The following MBNL2 variants were observed in gnomAD, a reference collection of about 807,000 sequenced individuals.
MBNL2 encodes muscleblind like splicing regulator 2.
A neutral mutation model predicts 41.9 loss-of-function variants in MBNL2; 17 were observed. The observed-to-expected ratio is 0.41, with a 90% confidence interval of 0.28 to 0.61. MBNL2 has a LOEUF of 0.61. Among genes scored for constraint, MBNL2 ranks in the 20% least tolerant of loss-of-function variants. MBNL2 has a pLI of 0.35. For synonymous variants in MBNL2, 195 were observed against 182.9 expected, an observed-to-expected ratio of 1.07 and a Z score of -0.53; for missense variants, 336 against 505.6, an observed-to-expected ratio of 0.66 and a Z score of 3.22.
the MBNL2 span, among the ~76,000 whole-genome samples, chr13:97,181,501 T>A: frequency 6.6e-6 from 1 of 152,120 alleles, no homozygotes; most frequent in East Asian, 1.9e-4. Context: ...AATGATGAAA[T>A]GTATAGTAGT....
chr13:97,312,837 T>A lies in MBNL2; in HGVS notation c.175-21439T>A, dbSNP rs558150029. Among the ~76,000 whole-genome samples, 4 of 152,376 alleles carry A rather than the reference T, an allele frequency of 2.6e-5. No individual in the cohort carries two copies. The South Asian group carries it at 6.2e-4, about 24-fold the overall frequency. ...TCATTGGGAACACACTTTACAAAAATTACTGTGAATTCAATTAAAAATTAT... is the reference window on the plus strand; with the variant it reads ...TCATTGGGAACACACTTTACAAAAAATACTGTGAATTCAATTAAAAATTAT... On this transcript the variant is annotated intron_variant, in intron 2 of 8. Transcript: ENST00000679496.
the MBNL2 span, among the ~76,000 whole-genome samples, chr13:97,177,380 G>A: frequency 2.0e-5 from 3 of 152,126 alleles, no homozygotes; most frequent in East Asian, 5.8e-4. Context: ...TTGCAGCCAT[G>A]AAAGAACAAT....
the MBNL2 span, among the ~76,000 whole-genome samples, chr13:97,178,258 T>A: frequency 2.6e-5 from 4 of 152,194 alleles, no homozygotes; most frequent in Non-Finnish European, 5.9e-5. Flanking sequence ...GCCATGACTA[T>A]GAAAATGGAA....
chr13:97,197,332 G>T, the MBNL2 span, among the ~76,000 whole-genome samples: 1 of 152,134 alleles, frequency 6.6e-6, no homozygotes, highest in Non-Finnish European at 1.5e-5. Flanking sequence ...CTCTGCAATA[G>T]ATTCATATTT....
At chr13:97,151,738 C>T in the MBNL2 span, among the ~76,000 whole-genome samples, 1 of 152,020 alleles carries the variant, frequency 6.6e-6, no homozygotes, top group African/African-American at 2.4e-5. Context: ...ATTTTCATCC[C>T]CCTTCTTTGT....
intron 1 of MBNL2, among the ~76,000 whole-genome samples, chr13:97,265,316 G>T (rs145853169): frequency 1.1e-4 from 17 of 152,330 alleles, no homozygotes; most frequent in East Asian, 1.9e-4. Flanking sequence ...TAAAACAAAG[G>T]TTGGCTTATC....
In MBNL2 at chr13:97,393,605, C is replaced by T. The variant is rs1234113274; in HGVS notation, c.*2156C>T. 1 of 152,408 alleles carries T rather than the reference C, an allele frequency of 6.6e-6. No individual in the cohort carries two copies. Among genetic ancestry groups the T allele is most frequent in the Non-Finnish European group, 1.5e-5 (1 of 67,936 alleles). 9.4% of individuals were successfully genotyped at this position (152,408 alleles called of 1,614,324 possible). ...CATTTACAATAAGGAGGAGGCAAGG[C>T]AAATGCATAGATGTACAAATATATG... On this transcript the variant is annotated 3_prime_UTR_variant, in exon 9 of 9. Coordinates refer to ENST00000679496, the MANE Select transcript of MBNL2 (RefSeq NM_001382683.1).
intron 1 of MBNL2, among the ~76,000 whole-genome samples, chr13:97,228,531 T>TA (rs1555303279): frequency 1.4e-5 from 2 of 143,414 alleles, no homozygotes; most frequent in Non-Finnish European, 3.1e-5. Context: ...TTTATTATCT[T>TA]TTTTTTTTTT....
At chr13:97,306,162 C>T (rs777520616) in intron 2 of MBNL2, among the ~76,000 whole-genome samples, 6 of 152,200 alleles carry the variant, frequency 3.9e-5, no homozygotes, top group Non-Finnish European at 5.9e-5. Context: ...GTGTCCCTAA[C>T]CAGAAGAACC....
the MBNL2 span, among the ~76,000 whole-genome samples, chr13:97,164,580 G>C: frequency 6.6e-6 from 1 of 151,952 alleles, no homozygotes; most frequent in African/African-American, 2.4e-5. Context: ...AAGTGAAAAT[G>C]GTACCATGTA....
At chr13:97,221,665 T>A (rs145512454), upstream of MBNL2, 1 of 152,206 alleles carries the variant, frequency 6.6e-6, no homozygotes, top group Non-Finnish European at 1.5e-5. Context: ...TGTATAGATA[T>A]CAATTTTATT....
At position 97,299,991 on chromosome 13, in the gene MBNL2, A is replaced by G. The variant is rs1180003906; in HGVS notation, c.174+23582A>G. 3.3e-5 allele frequency among the ~76,000 whole-genome samples: 5 copies of G among 152,066 alleles called. No homozygotes were observed. In the South Asian group the frequency reaches 8.3e-4, roughly 25 times the overall value. On this transcript the variant is annotated intron_variant, in intron 2 of 8. Coordinates refer to ENST00000679496, the MANE Select transcript of MBNL2 (RefSeq NM_001382683.1). ...TGTTCTTCCATCATTCAAGGCCCATATTCCTTCCATATTGTGGTAGTTCTG... is the reference window on the plus strand; with the variant it reads ...TGTTCTTCCATCATTCAAGGCCCATGTTCCTTCCATATTGTGGTAGTTCTG...
chr13:97,211,073 C>A, the MBNL2 span, among the ~76,000 whole-genome samples: 2 of 152,082 alleles, frequency 1.3e-5, no homozygotes, highest in African/African-American at 4.8e-5. Context: ...CTATGAGAAT[C>A]CTCATTGAAA....
At chr13:97,233,683 T>C (rs2042794061) in intron 1 of MBNL2, among the ~76,000 whole-genome samples, 1 of 151,842 alleles carries the variant, frequency 6.6e-6, no homozygotes, top group South Asian at 2.1e-4. Context: ...TGTTTTTTTT[T>C]TTTTCTTTAA....
the MBNL2 span, among the ~76,000 whole-genome samples, chr13:97,199,379 G>T: frequency 6.6e-6 from 1 of 152,078 alleles, no homozygotes; most frequent in South Asian, 2.1e-4. Flanking sequence ...TCTTTGATCT[G>T]ATGTCTGTCT....
upstream of MBNL2, among the ~76,000 whole-genome samples, chr13:97,217,466 T>C (rs2040478140): frequency 1.3e-5 from 2 of 152,208 alleles, no homozygotes; most frequent in African/African-American, 4.8e-5. Context: ...GTGAGAGTCA[T>C]GGTGGTCAAA....
chr13:97,336,341 T>C lies in MBNL2; in HGVS notation c.339+1901T>C, dbSNP rs536477025. Among the ~76,000 whole-genome samples the C allele has an allele frequency of 5.9e-5, 9 of 152,186 alleles. No homozygotes were observed. In the East Asian group the frequency reaches 1.7e-3, roughly 29 times the overall value. On this transcript the variant is annotated intron_variant, in intron 3 of 8. Transcript: ENST00000679496. ...TCTCAGAAATGAATTAGTGACCTAG[T>C]AGAGTATACGTGGCTGAATAATGGC... is the stretch of plus-strand genomic sequence containing the variant.
At position 97,234,860 on chromosome 13, in the gene MBNL2, C is replaced by T. The variant is rs995292940; in HGVS notation, c.-605+12329C>T. 1.1e-4 allele frequency among the ~76,000 whole-genome samples: 16 copies of T among 152,308 alleles called. No individual in the cohort carries two copies. The South Asian group carries it at 1.9e-3, about 18-fold the overall frequency. On this transcript the variant is annotated intron_variant, in intron 1 of 8. Transcript: ENST00000679496. ...TTTTCGCAGTAGCGCTCAGTCCTCC[C>T]GAGTTTCTCTGCGGCTCTCAGCAGC... is the stretch of plus-strand genomic sequence containing the variant.
intron 2 of MBNL2, among the ~76,000 whole-genome samples, chr13:97,327,894 T>A (rs1313667523): frequency 6.6e-6 from 1 of 152,186 alleles, no homozygotes; most frequent in Non-Finnish European, 1.5e-5. Context: ...TTTTACCTAC[T>A]ATGAAAAGAA....
Sources: gnomAD v4.1 joint callset for allele counts (sites outside exome capture counted in the v4.1 genomes callset) on GRCh38, gnomAD v4.1.1 for gene constraint, MANE v1.5 for transcripts, NCBI Gene and HGNC (gene_info 2026-07-23, HGNC 2026-07-21) for gene names.